ZFYVE9: variants seen among roughly 807,000 people sequenced by gnomAD.
ZFYVE9 encodes the protein zinc finger FYVE domain-containing protein 9.
A neutral mutation model predicts 126.7 loss-of-function variants in ZFYVE9; 43 were observed. The ratio of observed to expected loss-of-function variants is 0.34; its 90% confidence interval spans 0.27 to 0.44. ZFYVE9 has a LOEUF of 0.44. Ranked by LOEUF, ZFYVE9 falls within the 20% of genes least tolerant of loss-of-function variation. The pLI is 1.00. For missense variants in ZFYVE9, 1,476 were observed against 1,697.0 expected (o/e 0.87, Z 2.29); for synonymous variants, 521 against 597.4 (o/e 0.87, Z 1.87).
At position 52,182,690 on chromosome 1, in the gene ZFYVE9, A is replaced by G. The variant is rs12042606; in HGVS notation, c.-142-33679A>G. 9.4e-3 allele frequency among the ~76,000 whole-genome samples: 1,435 copies of G among 152,160 alleles called. 72 individuals are homozygous for G. In the East Asian group the frequency reaches 0.12, roughly 13 times the overall value. ...TTAATCTGCTGACCTTCCCTCCACT[A>G]TTGTCCTGTGACCCAGCCAAATCCC... On this transcript the variant is annotated intron_variant, in intron 1 of 18. Transcript: ENST00000287727.
chr1:52,218,451 C>T (rs193193368), intron 2 of ZFYVE9, among the ~76,000 whole-genome samples: 1 of 152,258 alleles, frequency 6.6e-6, no homozygotes, highest in African/African-American at 2.4e-5. Context: ...GGGGGCTGTC[C>T]CATAGGGGTC....
intron 1 of ZFYVE9, among the ~76,000 whole-genome samples, chr1:52,193,707 CAAAAAAAAAAAAA>C (rs771434275): frequency 1.4e-4 from 8 of 56,402 alleles, no homozygotes; most frequent in Non-Finnish European, 2.6e-4. Flanking sequence ...AACTCTGTCT[CAAAAAAAAAAAAA>C]AAAAAAAAAA....
chr1:52,250,853 G>A (rs1373807368), intron 4 of ZFYVE9, among the ~76,000 whole-genome samples: 2 of 151,792 alleles, frequency 1.3e-5, no homozygotes, highest in Admixed American at 1.3e-4. Context: ...GGGACTAACA[G>A]GCGTGCACTA....
intron 3 of ZFYVE9, among the ~76,000 whole-genome samples, chr1:52,233,546 A>G (rs1229670889): frequency 6.6e-6 from 1 of 152,260 alleles, no homozygotes; most frequent in Non-Finnish European, 1.5e-5. Flanking sequence ...AACAAGTGGC[A>G]GGATTAGAAT....
intron 5 of ZFYVE9, among the ~76,000 whole-genome samples, chr1:52,264,756 AT>A (rs1645616533): frequency 6.6e-6 from 1 of 152,080 alleles, no homozygotes; most frequent in Non-Finnish European, 1.5e-5. Flanking sequence ...GCTGATAGTG[AT>A]GTTTTCTTGT....
At chr1:52,307,396 C>G (rs1165896808) in intron 13 of ZFYVE9, among the ~76,000 whole-genome samples, 1 of 152,040 alleles carries the variant, frequency 6.6e-6, no homozygotes, top group Non-Finnish European at 1.5e-5. Context: ...CCACCATACC[C>G]AGCCAAAATT....
intron 1 of ZFYVE9, among the ~76,000 whole-genome samples, chr1:52,185,912 C>A (rs1228791418): frequency 1.4e-5 from 2 of 143,002 alleles, no homozygotes; most frequent in African/African-American, 5.4e-5. Context: ...GAGTGAGACT[C>A]CGTCTCAAAA....
At chr1:52,279,447 A>G (rs541133665) in intron 9 of ZFYVE9, among the ~76,000 whole-genome samples, 7 of 152,286 alleles carry the variant, frequency 4.6e-5, no homozygotes, top group Admixed American at 4.6e-4. Flanking sequence ...CATGGGCATC[A>G]GGATGAGAAA....
At chr1:52,165,259 A>C (rs1436812145) in intron 1 of ZFYVE9, among the ~76,000 whole-genome samples, 1 of 152,168 alleles carries the variant, frequency 6.6e-6, no homozygotes, top group East Asian at 1.9e-4. Context: ...AATTTTTATT[A>C]AAGTCAGAAA....
chr1:52,276,823 T>G (rs79475401), intron 8 of ZFYVE9, among the ~76,000 whole-genome samples: 1,856 of 152,342 alleles, frequency 0.012, 32 homozygotes, highest in African/African-American at 0.043. Flanking sequence ...TTTTTCTCAT[T>G]GCAATTTAGA....
At chr1:52,284,654 C>A (rs1031235742) in intron 10 of ZFYVE9, among the ~76,000 whole-genome samples, 4 of 152,182 alleles carry the variant, frequency 2.6e-5, no homozygotes, top group African/African-American at 9.6e-5. Flanking sequence ...TTCCTGACTT[C>A]GTGATCCGCC....
intron 13 of ZFYVE9, 42 bp from the exon 14 acceptor site, chr1:52,332,726 A>G: frequency 6.3e-7 from 1 of 1,593,324 alleles, no homozygotes; most frequent in Non-Finnish European, 8.5e-7. Context: ...AGACAGAAAA[A>G]TGCCCATTCT....
chr1:52,205,472 T>A, intron 1 of ZFYVE9, among the ~76,000 whole-genome samples: 1 of 152,082 alleles, frequency 6.6e-6, no homozygotes, highest in East Asian at 1.9e-4. Context: ...CAAGCGATCC[T>A]TCTGTCTCAG....
At chr1:52,195,790 GTCT>G (rs1460864782) in intron 1 of ZFYVE9, among the ~76,000 whole-genome samples, 1 of 150,088 alleles carries the variant, frequency 6.7e-6, no homozygotes, top group African/African-American at 2.5e-5. Context: ...TTTCAGTATA[GTCT>G]TTTTTTTTTT....
chr1:52,164,596 A>T (rs552338863), intron 1 of ZFYVE9, among the ~76,000 whole-genome samples: 10 of 152,244 alleles, frequency 6.6e-5, no homozygotes, highest in Non-Finnish European at 1.3e-4. Flanking sequence ...ATCTTTATAC[A>T]TCTGTCTGCG....
intron 13 of ZFYVE9, among the ~76,000 whole-genome samples, chr1:52,318,092 A>T (rs1348440648): frequency 6.6e-6 from 1 of 152,176 alleles, no homozygotes; most frequent in Non-Finnish European, 1.5e-5. Flanking sequence ...AGACATTACA[A>T]AAAATGAAAA....
intron 1 of ZFYVE9, chr1:52,160,118 G>C: frequency 1.8e-6 from 1 of 548,710 alleles, no homozygotes. Context: ...TGATTATAGA[G>C]ATTCATGAAT....
At chr1:52,341,609 T>C (rs1436085364) in intron 17 of ZFYVE9, among the ~76,000 whole-genome samples, 1 of 152,250 alleles carries the variant, frequency 6.6e-6, no homozygotes, top group Non-Finnish European at 1.5e-5. Flanking sequence ...TCTCTAGGAT[T>C]CTTTTCAGCT....
At chr1:52,297,344 T>A (rs1240650674) in intron 12 of ZFYVE9, among the ~76,000 whole-genome samples, 1 of 148,372 alleles carries the variant, frequency 6.7e-6, no homozygotes, top group Admixed American at 6.9e-5. Flanking sequence ...TTCAAGAGAG[T>A]CTCCTGCTTC....
Sources: gnomAD v4.1 joint callset for allele counts (sites outside exome capture counted in the v4.1 genomes callset) on GRCh38, gnomAD v4.1.1 for gene constraint, MANE v1.5 for transcripts, NCBI Gene and HGNC (gene_info 2026-07-23, HGNC 2026-07-21) for gene names.